Variants in MRTFB observed in about 807,000 individuals in gnomAD.
MRTFB encodes the protein myocardin related transcription factor B.
A neutral mutation model predicts 104.2 loss-of-function variants in MRTFB; 29 were observed. That is an observed-to-expected ratio of 0.28 (90% CI 0.21 to 0.38). The LOEUF (loss-of-function observed/expected upper bound fraction) is 0.38. Ranked by LOEUF, MRTFB falls within the 10% of genes least tolerant of loss-of-function variation. The pLI, the probability that MRTFB is intolerant of heterozygous loss-of-function variation, is 1.00. For missense variants in MRTFB, 1,270 were observed against 1,341.6 expected, an observed-to-expected ratio of 0.95 and a Z score of 0.83; for synonymous variants, 535 against 519.5, an observed-to-expected ratio of 1.03 and a Z score of -0.41.
At chr16:14,090,879 G>GGT (rs55685117) in intron 2 of MRTFB, among the ~76,000 whole-genome samples, 11,731 of 141,692 alleles carry the variant, frequency 0.083, 548 homozygotes, top group African/African-American at 0.14. Context: ...AGTTCAGCAT[G>GGT]GTGTGTGTGT....
At chr16:14,020,976 A>G in the MRTFB span, 1 of 152,244 alleles carries the variant, frequency 6.6e-6, no homozygotes, top group Non-Finnish European at 1.5e-5. Context: ...GACTTTTTGT[A>G]GGAAGACACC....
At chr16:14,010,346 T>A in the MRTFB span, among the ~76,000 whole-genome samples, 1 of 152,188 alleles carries the variant, frequency 6.6e-6, no homozygotes, top group East Asian at 1.9e-4. Flanking sequence ...AGACAGGATC[T>A]TGCTCTGTCA....
intron 5 of MRTFB, among the ~76,000 whole-genome samples, chr16:14,213,077 T>G (rs1175658635): frequency 6.6e-6 from 1 of 152,218 alleles, no homozygotes. Flanking sequence ...AAAACCTGTA[T>G]GAAGGCTTTC....
At chr16:14,183,954 A>G (rs1438658079) in intron 3 of MRTFB, among the ~76,000 whole-genome samples, 1 of 151,960 alleles carries the variant, frequency 6.6e-6, no homozygotes, top group Non-Finnish European at 1.5e-5. Flanking sequence ...ATACACACAC[A>G]GATATGGTAA....
intron 2 of MRTFB, among the ~76,000 whole-genome samples, chr16:14,113,120 T>G (rs1215794018): frequency 6.6e-6 from 1 of 152,190 alleles, no homozygotes; most frequent in African/African-American, 2.4e-5. Flanking sequence ...CTCGGCTCAC[T>G]GCAACCACCG....
intron 2 of MRTFB, among the ~76,000 whole-genome samples, chr16:14,109,078 G>A (rs375521928): frequency 6.6e-6 from 1 of 152,060 alleles, no homozygotes; most frequent in Admixed American, 6.5e-5. Context: ...AGGATTTAAG[G>A]CTTACCTGTC....
At chr16:14,029,443 T>TACACACAC in the MRTFB span, among the ~76,000 whole-genome samples, 47 of 65,284 alleles carry the variant, frequency 7.2e-4, no homozygotes, top group Non-Finnish European at 1.6e-3. Context: ...TATATATATA[T>TACACACAC]ATACACACAC....
chr16:14,222,417 T>G (rs1380720734), intron 8 of MRTFB, among the ~76,000 whole-genome samples: 2 of 152,174 alleles, frequency 1.3e-5, no homozygotes, highest in African/African-American at 4.8e-5. Context: ...TGAGTTTTTT[T>G]GTGTGATTTT....
intron 8 of MRTFB, among the ~76,000 whole-genome samples, chr16:14,223,356 A>G (rs1477305607): frequency 5.3e-5 from 8 of 152,094 alleles, no homozygotes; most frequent in Non-Finnish European, 8.8e-5. Context: ...TCAGGGAACA[A>G]AATAAATCTC....
chr16:14,242,028 C>T (rs1192673666), intron 10 of MRTFB, among the ~76,000 whole-genome samples: 2 of 150,998 alleles, frequency 1.3e-5, no homozygotes, highest in Non-Finnish European at 3.0e-5. Flanking sequence ...TGATGTCTCA[C>T]AGTTACTACT....
At chr16:14,219,865 G>A (rs1049132472) in intron 8 of MRTFB, among the ~76,000 whole-genome samples, 3 of 152,176 alleles carry the variant, frequency 2.0e-5, no homozygotes, top group African/African-American at 7.2e-5. Flanking sequence ...ACTTTGGAGA[G>A]GGAGGGAAGG....
At position 14,212,401 on chromosome 16, in the gene MRTFB, C is replaced by T. The variant is rs747894299; in HGVS notation, c.268C>T (p.Arg90Ter). The T allele has an allele frequency of 6.2e-7, 1 of 1,613,798 alleles. No homozygotes were observed. The highest frequency in any genetic ancestry group is 8.5e-7 in the Non-Finnish European group (1 of 1,179,774). Reference protein sequence around the residue: ...AFHEQIKSLERARTENFLKHK... With the variant: ...AFHEQIKSLE ...CCATGAACAGATAAAAAGCTTGGAA[C>T]GAGCCAGAGTAAGACATTTCACTTT... The change falls in exon 5 of 17, where the codon CGA (arginine) becomes TGA (stop). Residue 90 changes from arginine (R) to a stop codon, truncating the protein, a stop_gained. Transcript: ENST00000571589. LOFTEE classifies it high-confidence loss of function.
the MRTFB span, among the ~76,000 whole-genome samples, chr16:14,065,803 A>C: frequency 1.3e-5 from 2 of 152,076 alleles, no homozygotes; most frequent in African/African-American, 4.8e-5. Context: ...CCTCCCAGCC[A>C]CTAACACTTA....
At chr16:14,089,352 A>G (rs1026778298) in intron 2 of MRTFB, among the ~76,000 whole-genome samples, 15 of 152,066 alleles carry the variant, frequency 9.9e-5, no homozygotes, top group East Asian at 1.9e-4. Flanking sequence ...TCTACTTTCT[A>G]TCTCTTTGGA....
At chr16:14,031,753 G>A in the MRTFB span, among the ~76,000 whole-genome samples, 2 of 152,080 alleles carry the variant, frequency 1.3e-5, no homozygotes, top group Non-Finnish European at 2.9e-5. Flanking sequence ...GGTAATAAAG[G>A]TGTCATTCAT....
At chr16:14,133,015 C>G (rs1364004434) in intron 2 of MRTFB, among the ~76,000 whole-genome samples, 1 of 152,108 alleles carries the variant, frequency 6.6e-6, no homozygotes, top group African/African-American at 2.4e-5. Context: ...AGATATGTTG[C>G]TTAAATAATA....
intron 2 of MRTFB, among the ~76,000 whole-genome samples, chr16:14,095,202 T>G (rs2035294341): frequency 6.6e-6 from 1 of 152,236 alleles, no homozygotes; most frequent in African/African-American, 2.4e-5. Flanking sequence ...ACAGTCAGAT[T>G]ACAGTGACTT....
chr16:14,120,350 TA>T (rs1383036146), intron 2 of MRTFB, among the ~76,000 whole-genome samples: 1 of 152,230 alleles, frequency 6.6e-6, no homozygotes, highest in Non-Finnish European at 1.5e-5. Context: ...ACATCATGTT[TA>T]ATCCCTCCGT....
intron 2 of MRTFB, among the ~76,000 whole-genome samples, chr16:14,098,227 C>T (rs931791692): frequency 3.9e-5 from 6 of 152,068 alleles, no homozygotes; most frequent in African/African-American, 1.4e-4. Context: ...ATTCCAGTTG[C>T]TCTGTGTCTG....
Sources: gnomAD v4.1 joint callset for allele counts (sites outside exome capture counted in the v4.1 genomes callset) on GRCh38, gnomAD v4.1.1 for gene constraint, MANE v1.5 for transcripts, NCBI Gene and HGNC (gene_info 2026-07-23, HGNC 2026-07-21) for gene names.